Variants in CATSPERE observed in about 807,000 individuals in gnomAD.
The protein encoded by CATSPERE is catsper channel auxiliary subunit epsilon.
In CATSPERE, 93 loss-of-function variants were observed where a neutral mutation model predicts 114.1. The ratio of observed to expected loss-of-function variants is 0.81; its 90% CI spans 0.69 to 0.97. The LOEUF (loss-of-function observed/expected upper bound fraction) is 0.97, where lower values mean the gene tolerates loss of function less well. Ranked by LOEUF, CATSPERE falls within the 50% of genes least tolerant of loss-of-function variation. The pLI is 0.00. For missense variants in CATSPERE, 1,058 were observed against 1,131.6 expected (o/e 0.93, Z 0.93); for synonymous variants, 341 against 384.1 (o/e 0.89, Z 1.31).
At chr1:244,605,824 T>C (rs777368187) in intron 18 of CATSPERE, 30 bp downstream of exon 18, 3 of 1,439,230 alleles carry the variant, frequency 2.1e-6, no homozygotes. Context: ...AACCAGAATT[T>C]AGCATGCAAC....
At position 244,593,533 on chromosome 1, in the gene CATSPERE, C is replaced by A; in HGVS notation, c.2258C>A (p.Pro753His). 6.2e-7 allele frequency: 1 copy of A among 1,614,010 alleles called. No homozygotes were observed. Among genetic ancestry groups the A allele is most frequent in the African/African-American group, 1.3e-5 (1 of 75,042 alleles). The change falls in exon 17 of 22, where the codon CCT becomes CAT. Residue 753 changes from proline to histidine, a missense_variant. Around this residue, in one of 2 missense-constraint regions of CATSPERE, gnomAD observed 787 missense variants for 905.6 expected, o/e 0.87. Coordinates refer to ENST00000366534, the MANE Select transcript of CATSPERE (RefSeq NM_001130957.2). ...TATATTTGGGGAGAATATGGCTGCC[C>A]TCTGAGGCTTGACTTCACAGAAAAG... is the stretch of plus-strand genomic sequence containing the variant. ...VRYIWGEYGCPLRLDFTEKFQ... is the reference protein window; with the variant it reads ...VRYIWGEYGCHLRLDFTEKFQ...
chr1:244,599,670 T>C (rs2148663437), intron 17 of CATSPERE, among the ~76,000 whole-genome samples: 1 of 152,328 alleles, frequency 6.6e-6, no homozygotes, highest in Non-Finnish European at 1.5e-5. Context: ...GACCTTACAA[T>C]GACTTTCAAG....
chr1:244,603,685 C>T (rs137948174), intron 17 of CATSPERE, among the ~76,000 whole-genome samples: 62 of 146,896 alleles, frequency 4.2e-4, no homozygotes, highest in African/African-American at 1.2e-3. Flanking sequence ...TTTAATAAAA[C>T]ATATGGCTTG....
Position 244,581,876 on chromosome 1 carries a change from A to T in CATSPERE, c.2009+22A>T, listed in dbSNP as rs746662036. ...CACAGTAAGTATAACTTTTAAAAGA[A>T]CTTTCTCAGTATCAAATATGCTACT... On this transcript the variant is annotated intron_variant, in intron 12 of 21. Transcript: ENST00000366534. 33 of 1,120,148 alleles carry T rather than the reference A, an allele frequency of 2.9e-5. 1 individual carries two copies. In the South Asian group the frequency reaches 4.1e-4, roughly 14 times the overall value. The allele number at this position is 1,120,148 out of a possible 1,614,324, so 69.4% of individuals were successfully genotyped here. A position where few individuals can be genotyped will look rare whatever the true frequency, so the allele number is the denominator to read the frequency against.
In CATSPERE at chr1:244,479,709, T is replaced by C; in HGVS notation, c.259-8T>C. On this transcript the variant is annotated splice_polypyrimidine_tract_variant and splice_region_variant and intron_variant, in intron 4 of 21. Transcript: ENST00000366534. ...ATATATCACAGTTTCTTTTGCATTT[T>C]CTTTTAGGATGAAGAAGAACGCTAT... The C allele has an allele frequency of 6.3e-7, 1 of 1,577,008 alleles. No homozygotes were observed. The highest frequency in any genetic ancestry group is 8.7e-7 in the Non-Finnish European group (1 of 1,151,410).
At chr1:244,625,936 G>T (rs12040265) in intron 20 of CATSPERE, among the ~76,000 whole-genome samples, 1 of 151,436 alleles carries the variant, frequency 6.6e-6, no homozygotes, top group African/African-American at 2.4e-5. Flanking sequence ...TGAGAAGTAG[G>T]TCTCAACAGT....
chr1:244,619,792 C>G (rs377264404), intron 20 of CATSPERE, among the ~76,000 whole-genome samples: 1 of 152,080 alleles, frequency 6.6e-6, no homozygotes, highest in Non-Finnish European at 1.5e-5. Context: ...TAAAAAATGA[C>G]ATTTTATAGT....
At chr1:244,451,601 G>T, upstream of CATSPERE, 1 of 1,578,992 alleles carries the variant, frequency 6.3e-7, no homozygotes. The surrounding 1 kb of genome is among the most constrained non-coding windows in gnomAD (Gnocchi z 6.6). Context: ...GAGCTCCCGG[G>T]CCCGGCTTCC....
intron 8 of CATSPERE, among the ~76,000 whole-genome samples, chr1:244,524,368 C>T: frequency 6.6e-6 from 1 of 150,644 alleles, no homozygotes; most frequent in Non-Finnish European, 1.5e-5. Context: ...AACATTAGAC[C>T]TAAAACCATA....
intron 9 of CATSPERE, among the ~76,000 whole-genome samples, chr1:244,557,303 A>C (rs377230817): frequency 6.6e-6 from 1 of 151,488 alleles, no homozygotes; most frequent in African/African-American, 2.4e-5. Flanking sequence ...TGTTAATCAG[A>C]GTCTATAGAA....
At chr1:244,616,586 C>T (rs557598818) in intron 19 of CATSPERE, among the ~76,000 whole-genome samples, 4 of 152,182 alleles carry the variant, frequency 2.6e-5, no homozygotes, top group South Asian at 4.2e-4. Context: ...AGGGTGAGGG[C>T]GAGTGAGAGG....
chr1:244,476,366 G>C (rs565908256), intron 2 of CATSPERE, among the ~76,000 whole-genome samples: 1 of 151,668 alleles, frequency 6.6e-6, no homozygotes, highest in East Asian at 1.9e-4. Context: ...TTAAGTCTTT[G>C]ACTACCTTTC....
At chr1:244,532,537 T>A (rs1169850274) in intron 8 of CATSPERE, among the ~76,000 whole-genome samples, 27 of 152,156 alleles carry the variant, frequency 1.8e-4, no homozygotes, top group Admixed American at 1.5e-3. Flanking sequence ...AAGAAATATT[T>A]CAAATCCTTC....
chr1:244,625,740 T>G (rs1673112074), intron 20 of CATSPERE, among the ~76,000 whole-genome samples: 1 of 151,482 alleles, frequency 6.6e-6, no homozygotes, highest in East Asian at 1.9e-4. Context: ...TTTTATTCTT[T>G]TATTTATTTA....
intron 8 of CATSPERE, among the ~76,000 whole-genome samples, chr1:244,535,966 A>G (rs1376466013): frequency 1.3e-5 from 2 of 151,710 alleles, no homozygotes; most frequent in African/African-American, 4.8e-5. Context: ...TCAGGGCCCA[A>G]GAGCTGGTGA....
intron 10 of CATSPERE, among the ~76,000 whole-genome samples, chr1:244,571,895 G>A (rs949356130): frequency 1.3e-5 from 2 of 152,036 alleles, no homozygotes. Context: ...AGGACCCCCT[G>A]CTTCTTAGCC....
intron 8 of CATSPERE, among the ~76,000 whole-genome samples, chr1:244,521,633 T>C (rs1677591235): frequency 6.6e-6 from 1 of 152,082 alleles, no homozygotes; most frequent in Admixed American, 6.6e-5. Flanking sequence ...TAATCTCAGA[T>C]GAATTAAATA....
At chr1:244,553,610 C>CACACACACACACATATATACAT (rs2148504262) in intron 9 of CATSPERE, among the ~76,000 whole-genome samples, 1 of 124,350 alleles carries the variant, frequency 8.0e-6, no homozygotes, top group African/African-American at 3.8e-5. Context: ...AATACACACA[C>CACACACACACACATATATACAT]ACACACACAC....
At chr1:244,471,155 T>G (rs1668417563) in intron 2 of CATSPERE, among the ~76,000 whole-genome samples, 1 of 152,206 alleles carries the variant, frequency 6.6e-6, no homozygotes, top group South Asian at 2.1e-4. Flanking sequence ...ATGAATTGTA[T>G]GACGTGAATT....
Sources: gnomAD v4.1 joint callset for allele counts (sites outside exome capture counted in the v4.1 genomes callset) on GRCh38, gnomAD v4.1.1 for gene constraint, gnomAD v4.1.1 regional missense constraint, Gnocchi (gnomAD v3.1) non-coding constraint, MANE v1.5 for transcripts, NCBI Gene and HGNC (gene_info 2026-07-23, HGNC 2026-07-21) for gene names.